PARVA: variants seen among roughly 807,000 people sequenced by gnomAD.
PARVA encodes parvin alpha.
PARVA carries 25 observed loss-of-function variants against 52.6 expected under a neutral mutation model. The observed-to-expected ratio is 0.48, with a 90% CI of 0.35 to 0.66. The LOEUF (loss-of-function observed/expected upper bound fraction) is 0.66. Among genes scored for constraint, PARVA ranks in the 30% least tolerant of loss-of-function variants. PARVA has a pLI of 0.01. For synonymous variants in PARVA, 185 were observed against 179.1 expected (o/e 1.03, Z -0.26); for missense variants, 373 against 450.9 (o/e 0.83, Z 1.56).
At chr11:12,443,222 A>C (rs959937848) in intron 1 of PARVA, among the ~76,000 whole-genome samples, 1 of 119,944 alleles carries the variant, frequency 8.3e-6, no homozygotes, top group Non-Finnish European at 1.6e-5. Context: ...GTCAGGTTGG[A>C]GTGCAGTGGT....
At chr11:12,406,719 G>A (rs940859157) in intron 1 of PARVA, among the ~76,000 whole-genome samples, 162 of 127,218 alleles carry the variant, frequency 1.3e-3, no homozygotes, top group African/African-American at 4.8e-3. Flanking sequence ...TGCCCAGGCT[G>A]GAATGCAGTG....
intron 1 of PARVA, among the ~76,000 whole-genome samples, chr11:12,471,987 GTGAGAAATAGCC>G (rs1438277738): frequency 6.6e-6 from 1 of 152,206 alleles, no homozygotes; most frequent in Non-Finnish European, 1.5e-5. Flanking sequence ...GTGCTTCTTT[GTGAGAAATAGCC>G]TGAGAAAGAA....
intron 4 of PARVA, among the ~76,000 whole-genome samples, chr11:12,482,558 A>AG (rs1179960587): frequency 6.6e-6 from 1 of 151,624 alleles, no homozygotes; most frequent in Non-Finnish European, 1.5e-5. Context: ...CCCAGGAGGC[A>AG]GAGGTTGCAG....
intron 1 of PARVA, among the ~76,000 whole-genome samples, chr11:12,381,714 A>G (rs951468525): frequency 6.6e-6 from 1 of 152,200 alleles, no homozygotes; most frequent in Non-Finnish European, 1.5e-5. Context: ...AGAAAAGAAA[A>G]TGTTATAAAG....
At chr11:12,521,638 A>G (rs942978780) in intron 12 of PARVA, among the ~76,000 whole-genome samples, 2 of 152,072 alleles carry the variant, frequency 1.3e-5, no homozygotes, top group South Asian at 2.1e-4. Flanking sequence ...GACTTTGCAG[A>G]TGTGATTAAA....
At chr11:12,434,408 C>A (rs1940359013) in intron 1 of PARVA, among the ~76,000 whole-genome samples, 1 of 152,172 alleles carries the variant, frequency 6.6e-6, no homozygotes, top group Admixed American at 6.5e-5. Context: ...GGGACTCTGG[C>A]GCTTGGTCCC....
chr11:12,388,430 G>A (rs1328485460), intron 1 of PARVA, among the ~76,000 whole-genome samples: 4 of 152,186 alleles, frequency 2.6e-5, no homozygotes, highest in African/African-American at 9.7e-5. Flanking sequence ...GAGAGGCCGT[G>A]GATGGAAGAG....
chr11:12,476,000 G>A (rs1212579935), intron 3 of PARVA, among the ~76,000 whole-genome samples: 1 of 152,200 alleles, frequency 6.6e-6, no homozygotes, highest in Non-Finnish European at 1.5e-5. Flanking sequence ...CAAGGGTAGG[G>A]GGAAAGGGGC....
At chr11:12,395,764 C>T (rs965922136) in intron 1 of PARVA, among the ~76,000 whole-genome samples, 1 of 152,226 alleles carries the variant, frequency 6.6e-6, no homozygotes, top group African/African-American at 2.4e-5. Context: ...CAACAGCCAA[C>T]ACTTGGCAGC....
Position 12,449,464 on chromosome 11 carries a change from T to C in PARVA, c.137-24281T>C, listed in dbSNP as rs565705105. ...GTGAGCCACAGCACCTGGCGGGACA[T>C]ACATTTAAAATGGTCATGAAGCACC... On this transcript the variant is annotated intron_variant, in intron 1 of 12. Coordinates refer to ENST00000334956, the MANE Select transcript of PARVA (RefSeq NM_018222.5). Among the ~76,000 whole-genome samples the C allele has an allele frequency of 7.2e-5, 11 of 152,296 alleles. No individual in the cohort carries two copies. The South Asian group carries it at 2.1e-3, about 29-fold the overall frequency.
chr11:12,413,770 G>A (rs934660370), intron 1 of PARVA, among the ~76,000 whole-genome samples: 8 of 152,212 alleles, frequency 5.3e-5, no homozygotes, highest in African/African-American at 1.4e-4. Context: ...CCAAGGTGGG[G>A]ATTCTAAACA....
intron 4 of PARVA, among the ~76,000 whole-genome samples, chr11:12,488,658 T>C (rs1422200015): frequency 6.6e-6 from 1 of 152,188 alleles, no homozygotes; most frequent in East Asian, 1.9e-4. Flanking sequence ...ATAAATTATC[T>C]TAGCCTTGGA....
rs1387313873 is a variant in PARVA at position 12,534,595 on chromosome 11, T to C, written c.*6670T>C. Among the ~76,000 whole-genome samples the C allele has an allele frequency of 6.6e-6, 1 of 152,256 alleles. No homozygotes were observed. The highest frequency in any genetic ancestry group is 1.5e-5 in the Non-Finnish European group (1 of 68,048). The stretch of plus-strand genomic sequence containing the variant: ...TGTTTTCACATCTTGAGATGCAATT[T>C]GTTAGCACAGGCTGTCATTCCAAGA... On this transcript the variant is annotated 3_prime_UTR_variant, in exon 13 of 13. Coordinates refer to ENST00000334956, the MANE Select transcript of PARVA (RefSeq NM_018222.5).
At chr11:12,464,259 A>C (rs957045018) in intron 1 of PARVA, among the ~76,000 whole-genome samples, 1 of 152,202 alleles carries the variant, frequency 6.6e-6, no homozygotes, top group African/African-American at 2.4e-5. Flanking sequence ...AACCATCTGT[A>C]TCTATATTAA....
At chr11:12,418,735 T>C (rs1366340467) in intron 1 of PARVA, among the ~76,000 whole-genome samples, 2 of 152,128 alleles carry the variant, frequency 1.3e-5, no homozygotes, top group Non-Finnish European at 2.9e-5. Flanking sequence ...TATGTCCTCA[T>C]CTGTAAAATT....
intron 7 of PARVA, among the ~76,000 whole-genome samples, chr11:12,509,562 C>T (rs1941480089): frequency 6.6e-6 from 1 of 152,206 alleles, no homozygotes; most frequent in Non-Finnish European, 1.5e-5. Flanking sequence ...GCCCTCTGCC[C>T]AGCCATGACT....
chr11:12,446,069 A>G (rs1345773072), intron 1 of PARVA, among the ~76,000 whole-genome samples: 1 of 152,134 alleles, frequency 6.6e-6, no homozygotes, highest in East Asian at 1.9e-4. Context: ...TTTTTTGTAC[A>G]AAGAAAATCA....
chr11:12,470,077 C>T (rs565192865), intron 1 of PARVA, among the ~76,000 whole-genome samples: 7 of 152,330 alleles, frequency 4.6e-5, no homozygotes, highest in South Asian at 2.1e-4. Flanking sequence ...CAGAAATGTG[C>T]GTGCATGCGT....
rs35501237 is a variant in PARVA, at chr11:12,484,504, GGTGTGTGTGTGTGTGTGTGTGT to G, written c.400+6579_400+6600del. Among the ~76,000 whole-genome samples the G allele has an allele frequency of 4.7e-4, 68 of 144,698 alleles. No homozygotes were observed. In the East Asian group the frequency reaches 4.9e-3, roughly 10 times the overall value. The allele number at this position is 144,698 out of a possible 152,430, so 94.9% of individuals were successfully genotyped here. ...TTCTGCAGGAGGGTGGTTTTGTTTTGGTGTGTGTGTGTGTGTGTGTGTGTGTGTGTGTGTGTGTGTGTGTGGT... is the reference window on the plus strand; with the variant it reads ...TTCTGCAGGAGGGTGGTTTTGTTTTGGTGTGTGTGTGTGTGTGTGTGTGGT... On this transcript the variant is annotated intron_variant, in intron 4 of 12. Coordinates refer to ENST00000334956, the MANE Select transcript of PARVA (RefSeq NM_018222.5).
Sources: allele counts gnomAD v4.1 joint callset (sites outside exome capture counted in the v4.1 genomes callset), GRCh38; gene constraint gnomAD v4.1.1; transcripts MANE v1.5; gene names NCBI Gene and HGNC (gene_info 2026-07-23, HGNC 2026-07-21).